The following BTC variants were observed in gnomAD, a reference collection of about 807,000 sequenced individuals.
BTC encodes betacellulin.
Under a neutral mutation model 18.1 loss-of-function variants are expected in BTC, and 13 were observed. That is an observed-to-expected ratio of 0.72 (90% confidence interval 0.47 to 1.14). The LOEUF is 1.14. Ranked by LOEUF, BTC falls within the 50% of genes most tolerant of loss-of-function variation. The probability of loss-of-function intolerance (pLI) is 0.00; values close to 1 mark genes in which losing one functional copy is unlikely to be tolerated. For synonymous variants in BTC, 83 were observed against 79.4 expected (o/e 1.05, Z -0.24); for missense variants, 247 against 224.2 (o/e 1.10, Z -0.65).
At chr4:74,764,473 G>A (rs1553957642) in intron 2 of BTC, among the ~76,000 whole-genome samples, 2 of 152,116 alleles carry the variant, frequency 1.3e-5, no homozygotes, top group Admixed American at 6.5e-5. Context: ...TGAGAGACTG[G>A]GGATTATTCT....
chr4:74,773,545 G>A (rs919508832), intron 1 of BTC, among the ~76,000 whole-genome samples: 2 of 152,010 alleles, frequency 1.3e-5, no homozygotes, highest in Admixed American at 6.5e-5. Context: ...GACACTGAAG[G>A]CTCTAAGATA....
chr4:74,772,692 CA>C (rs1315296689), intron 1 of BTC, among the ~76,000 whole-genome samples: 2 of 151,736 alleles, frequency 1.3e-5, no homozygotes, highest in East Asian at 3.9e-4. Flanking sequence ...AGAGATTCCG[CA>C]TCTGCAACCT....
intron 2 of BTC, among the ~76,000 whole-genome samples, chr4:74,766,501 A>T (rs1359552672): frequency 2.0e-5 from 3 of 152,100 alleles, no homozygotes; most frequent in African/African-American, 7.2e-5. Flanking sequence ...ACTACCATGA[A>T]AATTGAATAA....
intron 1 of BTC, among the ~76,000 whole-genome samples, chr4:74,784,814 G>T (rs183395971): frequency 6.9e-4 from 105 of 152,282 alleles, no homozygotes; most frequent in African/African-American, 2.3e-3. Context: ...ATATGCTGCT[G>T]GATTTGGTTT....
At chr4:74,784,042 G>A (rs561465686) in intron 1 of BTC, among the ~76,000 whole-genome samples, 5 of 151,948 alleles carry the variant, frequency 3.3e-5, no homozygotes, top group Admixed American at 3.3e-4. Flanking sequence ...AGACGAGCCT[G>A]GCCAACATGA....
At chr4:74,768,759 T>C (rs1237818165) in intron 2 of BTC, among the ~76,000 whole-genome samples, 1 of 152,134 alleles carries the variant, frequency 6.6e-6, no homozygotes, top group Non-Finnish European at 1.5e-5. Flanking sequence ...ACAATAAAAA[T>C]AAAATTAGAA....
chr4:74,754,579 G>C (rs892190444), intron 3 of BTC, among the ~76,000 whole-genome samples: 1 of 152,142 alleles, frequency 6.6e-6, no homozygotes, highest in Non-Finnish European at 1.5e-5. Flanking sequence ...GCTACAAGAA[G>C]AGCTTATATA....
At chr4:74,767,442 T>C (rs563824979) in intron 2 of BTC, among the ~76,000 whole-genome samples, 4 of 151,914 alleles carry the variant, frequency 2.6e-5, no homozygotes, top group Non-Finnish European at 5.9e-5. Flanking sequence ...GACAAAAATA[T>C]ATAAAAAGAC....
intron 1 of BTC, among the ~76,000 whole-genome samples, chr4:74,793,923 C>A (rs1229802178): frequency 6.6e-6 from 1 of 151,580 alleles, no homozygotes; most frequent in African/African-American, 2.4e-5. Flanking sequence ...GCGCCTCACC[C>A]CGGTGGACAG....
intron 1 of BTC, among the ~76,000 whole-genome samples, chr4:74,784,232 G>A (rs1473178991): frequency 5.9e-3 from 467 of 79,402 alleles, no homozygotes; most frequent in African/African-American, 0.011. Flanking sequence ...ATTCTCTCTC[G>A]AAAAAAAAAA....
chr4:74,788,803 T>C (rs1725548027), intron 1 of BTC, among the ~76,000 whole-genome samples: 1 of 152,256 alleles, frequency 6.6e-6, no homozygotes, highest in African/African-American at 2.4e-5. Flanking sequence ...AACTCATACC[T>C]GGTCTGCCTA....
chr4:74,783,575 G>A (rs1175590292), intron 1 of BTC, among the ~76,000 whole-genome samples: 1 of 144,524 alleles, frequency 6.9e-6, no homozygotes, highest in Non-Finnish European at 1.5e-5. Context: ...AATGTGCTGG[G>A]GCTATTCGGC....
chr4:74,788,276 C>T (rs183914825), intron 1 of BTC, among the ~76,000 whole-genome samples: 54 of 152,090 alleles, frequency 3.6e-4, no homozygotes, highest in African/African-American at 1.2e-3. Flanking sequence ...CTTAGTGCTA[C>T]ACAAAAAAAA....
intron 1 of BTC, among the ~76,000 whole-genome samples, chr4:74,791,814 G>A (rs28681122): frequency 0.23 from 35,106 of 151,878 alleles, 5,258 homozygotes; most frequent in African/African-American, 0.43. Context: ...ACATGGAAAG[G>A]GCATCACCAT....
intron 4 of BTC, among the ~76,000 whole-genome samples, chr4:74,749,203 G>A (rs1724380073): frequency 2.0e-5 from 3 of 152,062 alleles, no homozygotes; most frequent in Non-Finnish European, 4.4e-5. Flanking sequence ...GCCGAGGTAG[G>A]TGGATCAACT....
chr4:74,791,205 G>A (rs1725616071), intron 1 of BTC, among the ~76,000 whole-genome samples: 2 of 152,182 alleles, frequency 1.3e-5, no homozygotes, highest in Non-Finnish European at 1.5e-5. Context: ...AGCTGGGCGT[G>A]GTGGCGAGTG....
intron 4 of BTC, among the ~76,000 whole-genome samples, chr4:74,748,645 T>A (rs1344103863): frequency 6.6e-6 from 1 of 152,132 alleles, no homozygotes; most frequent in African/African-American, 2.4e-5. Flanking sequence ...ATAGAAAAAA[T>A]GTCACTTATA....
In BTC at chr4:74,755,881, C is replaced by T. The variant is rs782353910; in HGVS notation, c.259G>A (p.Ala87Thr). Residue 87 changes from alanine (A) to threonine (T), a missense_variant, in exon 3 of 6, where the codon GCC (alanine) becomes ACC (threonine). Transcript: ENST00000395743. ...TACACACAGGAGGGCGTCTGCTCGG[C>T]CACCACGAAGCGGCATCTCCCTTTG... ...CIKGRCRFVV[A>T]EQTPSCVCDE... 1.2e-6 allele frequency: 2 copies of T among 1,614,142 alleles called. No individual in the cohort carries two copies. Among genetic ancestry groups the T allele is most frequent in the South Asian group, 2.2e-5 (2 of 91,082 alleles).
At chr4:74,790,177 C>T (rs934363955) in intron 1 of BTC, among the ~76,000 whole-genome samples, 2 of 152,188 alleles carry the variant, frequency 1.3e-5, no homozygotes, top group Non-Finnish European at 2.9e-5. Context: ...AGCCTGATGA[C>T]ATTCGGGAAG....
Sources: gnomAD v4.1 joint callset for allele counts (sites outside exome capture counted in the v4.1 genomes callset) on GRCh38, gnomAD v4.1.1 for gene constraint, MANE v1.5 for transcripts, NCBI Gene and HGNC (gene_info 2026-07-23, HGNC 2026-07-21) for gene names.